The following UNC5C variants were observed in gnomAD, a reference collection of about 807,000 sequenced individuals.
The protein encoded by UNC5C is unc-5 netrin receptor C.
Under a neutral mutation model 99.8 loss-of-function variants are expected in UNC5C, and 47 were observed. That is an observed-to-expected ratio of 0.47 (90% confidence interval 0.37 to 0.60). UNC5C has a LOEUF of 0.60. Among genes scored for constraint, UNC5C ranks in the 20% least tolerant of loss-of-function variants. UNC5C has a pLI of 0.00. For missense variants in UNC5C, 1,062 were observed against 1,165.9 expected, an observed-to-expected ratio of 0.91 and a Z score of 1.30; for synonymous variants, 487 against 452.2, an observed-to-expected ratio of 1.08 and a Z score of -0.98.
chr4:95,374,525 A>C (rs1744837617), intron 1 of UNC5C, among the ~76,000 whole-genome samples: 1 of 152,042 alleles, frequency 6.6e-6, no homozygotes, highest in Non-Finnish European at 1.5e-5. Flanking sequence ...AGGGATTTAC[A>C]CACTGACAGC....
At chr4:95,266,028 G>C (rs980529449) in intron 4 of UNC5C, among the ~76,000 whole-genome samples, 1 of 152,176 alleles carries the variant, frequency 6.6e-6, no homozygotes, top group Admixed American at 6.5e-5. Context: ...TGATGATTCA[G>C]TGCCTCTTAG....
At chr4:95,201,699 G>T (rs940658240) in intron 12 of UNC5C, among the ~76,000 whole-genome samples, 6 of 151,654 alleles carry the variant, frequency 4.0e-5, no homozygotes. Context: ...TGCCTCCCCA[G>T]TTCACGCCAT....
chr4:95,393,571 G>A (rs1368129832), intron 1 of UNC5C, among the ~76,000 whole-genome samples: 1 of 152,176 alleles, frequency 6.6e-6, no homozygotes, highest in African/African-American at 2.4e-5. Flanking sequence ...GAATACCATT[G>A]ACATTTCCAA....
chr4:95,334,054 G>T (rs1228915339), intron 2 of UNC5C, among the ~76,000 whole-genome samples: 1 of 151,946 alleles, frequency 6.6e-6, no homozygotes, highest in Non-Finnish European at 1.5e-5. Context: ...TGAGCATATT[G>T]ATTCACAAAT....
intron 1 of UNC5C, among the ~76,000 whole-genome samples, chr4:95,421,425 T>C (rs1000623655): frequency 6.6e-6 from 1 of 152,198 alleles, no homozygotes; most frequent in African/African-American, 2.4e-5. Context: ...AAATAAATTA[T>C]ATCCAACATA....
At chr4:95,482,410 G>A (rs942763642) in intron 1 of UNC5C, among the ~76,000 whole-genome samples, 1 of 151,608 alleles carries the variant, frequency 6.6e-6, no homozygotes, top group Non-Finnish European at 1.5e-5. Context: ...TACTGTTGGT[G>A]GGACTGTAAA....
At chr4:95,428,370 A>G (rs924701914) in intron 1 of UNC5C, among the ~76,000 whole-genome samples, 2 of 152,194 alleles carry the variant, frequency 1.3e-5, no homozygotes, top group African/African-American at 4.8e-5. Flanking sequence ...AATGCTGCCA[A>G]TTAATCTGCA....
In UNC5C at chr4:95,411,983, G is replaced by GT. The variant is rs113321414; in HGVS notation, c.125-76353dup. Among the ~76,000 whole-genome samples the GT allele has an allele frequency of 9.0e-3, 1,235 of 137,814 alleles. 9 individuals are homozygous for GT. Among genetic ancestry groups the GT allele is most frequent in the African/African-American group, 0.02 (746 of 38,192 alleles). 90.4% of individuals were successfully genotyped at this position (137,814 alleles called of 152,430 possible). ...CCACTTCTCCATAATGCTGTGGAAT[G>GT]TTTTTTTTTTTTTTTCCTAAAACCT... On this transcript the variant is annotated intron_variant, in intron 1 of 15. Transcript: ENST00000453304.
intron 7 of UNC5C, among the ~76,000 whole-genome samples, chr4:95,226,609 A>G (rs1738699639): frequency 6.6e-6 from 1 of 152,174 alleles, no homozygotes; most frequent in Non-Finnish European, 1.5e-5. Flanking sequence ...AGTTTTTCAG[A>G]GAAGCCGTAT....
chr4:95,511,400 G>A (rs1722067591), intron 1 of UNC5C, among the ~76,000 whole-genome samples: 1 of 152,078 alleles, frequency 6.6e-6, no homozygotes, highest in Admixed American at 6.6e-5. Flanking sequence ...TAATAGAAAT[G>A]CTCTGCTGAA....
chr4:95,493,471 T>G (rs952199446), intron 1 of UNC5C, among the ~76,000 whole-genome samples: 1 of 151,478 alleles, frequency 6.6e-6, no homozygotes, highest in African/African-American at 2.4e-5. Context: ...GAGAATTTTC[T>G]GAATATTTTT....
At chr4:95,436,956 C>T (rs749871743) in intron 1 of UNC5C, among the ~76,000 whole-genome samples, 2 of 146,594 alleles carry the variant, frequency 1.4e-5, no homozygotes, top group Admixed American at 1.4e-4. Context: ...AATAAACTGC[C>T]TTTAATCGAA....
intron 12 of UNC5C, among the ~76,000 whole-genome samples, chr4:95,187,782 A>G (rs887461689): frequency 1.3e-5 from 2 of 152,160 alleles, no homozygotes; most frequent in African/African-American, 2.4e-5. Flanking sequence ...CACTCCTTCC[A>G]TAGACTTAAG....
chr4:95,304,890 T>C (rs866709505), intron 2 of UNC5C, among the ~76,000 whole-genome samples: 32 of 152,348 alleles, frequency 2.1e-4, no homozygotes, highest in Admixed American at 9.8e-4. Context: ...ACAGGAAGCC[T>C]AATTAAATGC....
chr4:95,416,228 T>C (rs1279914436), intron 1 of UNC5C, among the ~76,000 whole-genome samples: 2 of 152,158 alleles, frequency 1.3e-5, no homozygotes, highest in Non-Finnish European at 2.9e-5. Context: ...AGTATTACTT[T>C]AGGGACTAGA....
chr4:95,377,446 T>C (rs1744931219), intron 1 of UNC5C, among the ~76,000 whole-genome samples: 2 of 152,224 alleles, frequency 1.3e-5, no homozygotes, highest in Non-Finnish European at 2.9e-5. Flanking sequence ...AAGATAAAAA[T>C]CCCTCTAATT....
At chr4:95,222,518 G>T (rs1220287592) in intron 7 of UNC5C, among the ~76,000 whole-genome samples, 1 of 152,148 alleles carries the variant, frequency 6.6e-6, no homozygotes, top group Non-Finnish European at 1.5e-5. Context: ...AGTGCTTAAA[G>T]TCTTTCTTTT....
chr4:95,327,796 C>T (rs1742945821), intron 2 of UNC5C, among the ~76,000 whole-genome samples: 1 of 152,106 alleles, frequency 6.6e-6, no homozygotes, highest in South Asian at 2.1e-4. Flanking sequence ...AGCTCCCCTT[C>T]TGCTGAGAGC....
intron 2 of UNC5C, among the ~76,000 whole-genome samples, chr4:95,334,707 C>T (rs1434087368): frequency 1.1e-4 from 16 of 151,860 alleles, no homozygotes; most frequent in Admixed American, 9.9e-4. Flanking sequence ...CCTTTCTTTG[C>T]CTTTAGTATT....
Sources: gnomAD v4.1 joint callset for allele counts (sites outside exome capture counted in the v4.1 genomes callset) on GRCh38, gnomAD v4.1.1 for gene constraint, MANE v1.5 for transcripts, NCBI Gene and HGNC (gene_info 2026-07-23, HGNC 2026-07-21) for gene names.